The following ACSL1 variants were observed in gnomAD, a reference collection of about 807,000 sequenced individuals.
ACSL1 encodes acyl-CoA synthetase long chain family member 1.
In ACSL1, 41 loss-of-function variants were observed where a neutral mutation model predicts 98.4. The ratio of observed to expected loss-of-function variants is 0.42; its 90% CI spans 0.32 to 0.54. ACSL1 has a LOEUF of 0.54. ACSL1 is among the 20% of genes least tolerant of loss of function. The pLI, the probability that ACSL1 is intolerant of heterozygous loss-of-function variation, is 0.13. For missense variants in ACSL1, 734 were observed against 883.1 expected, an observed-to-expected ratio of 0.83 and a Z score of 2.14; for synonymous variants, 316 against 322.7, an observed-to-expected ratio of 0.98 and a Z score of 0.22.
intron 15 of ACSL1, among the ~76,000 whole-genome samples, 192 bp downstream of exon 15, chr4:184,764,661 C>T (rs186546005): frequency 6.6e-6 from 1 of 152,296 alleles, no homozygotes; most frequent in East Asian, 1.9e-4. Flanking sequence ...CGCCACCCCT[C>T]AGTTGCAGGA....
intron 4 of ACSL1, among the ~76,000 whole-genome samples, chr4:184,783,587 C>T (rs1314312683): frequency 6.6e-6 from 1 of 152,238 alleles, no homozygotes; most frequent in Non-Finnish European, 1.5e-5. Context: ...GTTCCAGCTT[C>T]TGAGTTTTTC....
intron 3 of ACSL1, 107 bp from the exon 4 acceptor site, chr4:184,784,098 C>T (rs1766808318): frequency 2.4e-6 from 2 of 846,168 alleles, no homozygotes; most frequent in Admixed American, 2.3e-5. Context: ...CTAGACTCTA[C>T]TTTAGTCCTC....
chr4:184,805,796 T>C (rs1771337579), intron 1 of ACSL1: 1 of 152,260 alleles, frequency 6.6e-6, no homozygotes, highest in Non-Finnish European at 1.5e-5. Flanking sequence ...GTCACCCCAC[T>C]GCTCCACCCA....
intron 2 of ACSL1, among the ~76,000 whole-genome samples, chr4:184,801,765 T>G (rs187317069): frequency 6.6e-6 from 1 of 152,366 alleles, no homozygotes; most frequent in Admixed American, 6.5e-5. Context: ...GATTTTCATT[T>G]CTTGCTGCAT....
In ACSL1 at chr4:184,757,687, A is replaced by C; in HGVS notation, c.1904T>G (p.Leu635Arg). Reference protein sequence around the residue: ...CRNKDVKKAILEDMVRLGKDS... With the variant: ...CRNKDVKKAIREDMVRLGKDS... ...CTTCCCAAGTCTCACCATATCTTCG[A>C]GGATAGCTTTTTTGACATCCTAAAA... The change falls in exon 20 of 21, where the codon CTC (leucine) becomes CGC (arginine). Residue 635 changes from leucine (L) to arginine (R), a missense_variant. By Grantham distance (102) the Leu-to-Arg change is moderately radical. Coordinates refer to ENST00000281455, the MANE Select transcript of ACSL1 (RefSeq NM_001995.5). This position sits in a 1 kb window ranked among gnomAD's most constrained non-coding sequence, Gnocchi z 4.5. The C allele has an allele frequency of 6.2e-7, 1 of 1,614,104 alleles. No individual in the cohort carries two copies. Among genetic ancestry groups the C allele is most frequent in the Non-Finnish European group, 8.5e-7 (1 of 1,179,998 alleles).
At position 184,765,777 on chromosome 4, in the gene ACSL1, C is replaced by T. The variant is rs1376136629; in HGVS notation, c.1359+114G>A. 18 of 810,334 alleles carry T rather than the reference C, an allele frequency of 2.2e-5. No homozygotes were observed. In the East Asian group the frequency reaches 4.9e-4, roughly 22 times the overall value. 50.2% of individuals were successfully genotyped at this position (810,334 alleles called of 1,614,324 possible). A position where few individuals can be genotyped will look rare whatever the true frequency, so the allele number is the denominator to read the frequency against. On this transcript the variant is annotated intron_variant, in intron 14 of 20. Coordinates refer to ENST00000281455, the MANE Select transcript of ACSL1 (RefSeq NM_001995.5). ...TTGTTACGCCATAAATATAGATACG[C>T]TTGTCAATTAAGAAAGAACACACAC...
intron 4 of ACSL1, 56 bp downstream of exon 4, chr4:184,783,871 C>G (rs1380250007): frequency 1.3e-6 from 2 of 1,512,210 alleles, no homozygotes; most frequent in Non-Finnish European, 1.8e-6. Context: ...AATGCACATA[C>G]AGAAGCACCC....
chr4:184,824,218 T>A (rs1279853523), intron 1 of ACSL1, among the ~76,000 whole-genome samples: 20 of 152,292 alleles, frequency 1.3e-4, no homozygotes, highest in Non-Finnish European at 2.9e-5. Context: ...TTCTGCCTCC[T>A]GAGTTCAAGC....
upstream of ACSL1, chr4:184,826,071 T>C (rs1008513540): frequency 2.3e-5 from 3 of 128,034 alleles, no homozygotes; most frequent in African/African-American, 5.3e-5. Flanking sequence ...AGGATGCTGC[T>C]GGTGCGCTCG....
At chr4:184,824,013 A>G (rs1231807794) in intron 1 of ACSL1, among the ~76,000 whole-genome samples, 1 of 152,208 alleles carries the variant, frequency 6.6e-6, no homozygotes, top group Admixed American at 6.5e-5. Flanking sequence ...AGAAGCCCAG[A>G]TTTCTTTTCA....
At chr4:184,810,862 T>G (rs568412728) in intron 1 of ACSL1, among the ~76,000 whole-genome samples, 1 of 152,322 alleles carries the variant, frequency 6.6e-6, no homozygotes, top group African/African-American at 2.4e-5. Flanking sequence ...CAGGGCTAAA[T>G]GCGTCCTCGT....
At position 184,780,353 on chromosome 4, in the gene ACSL1, G is replaced by C. The variant is rs1455164190; in HGVS notation, c.456C>G (p.Ile152Met). 6.2e-7 allele frequency: 1 copy of C among 1,613,792 alleles called. No homozygotes were observed. The highest frequency in any genetic ancestry group is 1.1e-5 in the South Asian group (1 of 91,092). Residue 152 changes from isoleucine to methionine, a missense_variant, in exon 5 of 21, where the codon ATC (isoleucine) becomes ATG (methionine). Physicochemically the swap from Ile to Met is conservative, Grantham distance 10 (BLOSUM62 1). Coordinates refer to ENST00000281455, the MANE Select transcript of ACSL1 (RefSeq NM_001995.5). ...ATACCTCAGGTCTATTTTGAGCAAA[G>C]ATGCCAATGAACTGATCTGGGGCAG... is the stretch of plus-strand genomic sequence containing the variant. ...FKTAPDQFIG[I>M]FAQNRPEWVI...
chr4:184,774,439 G>A (rs1430891478), intron 7 of ACSL1, among the ~76,000 whole-genome samples: 1 of 152,124 alleles, frequency 6.6e-6, no homozygotes, highest in East Asian at 1.9e-4. Flanking sequence ...GATAGGATTT[G>A]GGAGCCCCCA....
chr4:184,775,115 A>G (rs1489128927), intron 7 of ACSL1, among the ~76,000 whole-genome samples: 3 of 152,148 alleles, frequency 2.0e-5, no homozygotes, highest in Non-Finnish European at 4.4e-5. Flanking sequence ...ACAGCCTTAC[A>G]TCTCTCTTAC....
chr4:184,815,103 G>A (rs1474512086), intron 1 of ACSL1: 1 of 456,228 alleles, frequency 2.2e-6, no homozygotes, highest in East Asian at 6.9e-5. Context: ...CGGCAGGTAG[G>A]GCCCTGGTGC....
chr4:184,775,699 A>G (rs527679241), intron 7 of ACSL1, among the ~76,000 whole-genome samples: 65 of 152,322 alleles, frequency 4.3e-4, no homozygotes, highest in African/African-American at 1.5e-3. Context: ...ATAGCCTCAA[A>G]TTCTTTGTAG....
chr4:184,825,157 A>C lies in ACSL1; in HGVS notation c.-33+759T>G. On this transcript the variant is annotated intron_variant, in intron 1 of 20. Transcript: ENST00000281455. The surrounding 1 kb of genome is among the most constrained non-coding windows in gnomAD (Gnocchi z 4.7). The stretch of plus-strand genomic sequence containing the variant: ...GTGGGGAAGGGGTTTCCACACTCTC[A>C]CAACGCACCGACTGGGGGAACGCCT... 8.1e-6 allele frequency: 8 copies of C among 985,068 alleles called. No individual in the cohort carries two copies. Among genetic ancestry groups the C allele is most frequent in the Non-Finnish European group, 9.6e-6 (8 of 829,624 alleles). 61.0% of individuals were successfully genotyped at this position (985,068 alleles called of 1,614,324 possible). A position where few individuals can be genotyped will look rare whatever the true frequency, so the allele number is the denominator to read the frequency against.
chr4:184,810,976 G>C (rs59224964), intron 1 of ACSL1, among the ~76,000 whole-genome samples: 3,282 of 152,294 alleles, frequency 0.022, 115 homozygotes, highest in African/African-American at 0.074. Flanking sequence ...AACAGGATGA[G>C]TGCCTGGGTC....
At position 184,803,573 on chromosome 4, in the gene ACSL1, C is replaced by T. The variant is rs532371304; in HGVS notation, c.-32-27G>A. On this transcript the variant is annotated intron_variant, in intron 1 of 20. Transcript: ENST00000281455. The surrounding 1 kb of genome is among the most constrained non-coding windows in gnomAD (Gnocchi z 4.8). The stretch of plus-strand genomic sequence containing the variant: ...TGTTGGGAGAGAAAAATGTCACGTT[C>T]GTTCCAGGGAAGCAGGACCCCTCTC... The T allele has an allele frequency of 1.3e-5, 18 of 1,390,290 alleles. No individual in the cohort carries two copies. The highest frequency in any genetic ancestry group is 1.9e-4 in the Middle Eastern group (1 of 5,144). 86.1% of individuals were successfully genotyped at this position (1,390,290 alleles called of 1,614,324 possible).
Sources: allele counts gnomAD v4.1 joint callset (sites outside exome capture counted in the v4.1 genomes callset), GRCh38; gene constraint gnomAD v4.1.1; non-coding constraint Gnocchi (gnomAD v3.1); transcripts MANE v1.5; gene names NCBI Gene and HGNC (gene_info 2026-07-23, HGNC 2026-07-21).